ADAMTSL1: variants seen among roughly 807,000 people sequenced by gnomAD.
ADAMTSL1 encodes ADAMTS like 1.
Under a neutral mutation model 201.8 loss-of-function variants are expected in ADAMTSL1, and 126 were observed. The ratio of observed to expected loss-of-function variants is 0.62; its 90% confidence interval spans 0.54 to 0.72. The LOEUF (loss-of-function observed/expected upper bound fraction) is 0.72, where lower values mean the gene tolerates loss of function less well. Among genes scored for constraint, ADAMTSL1 ranks in the 30% least tolerant of loss-of-function variants. The pLI is 0.00. For synonymous variants in ADAMTSL1, 1,121 were observed against 903.4 expected (o/e 1.24, Z -4.32); for missense variants, 2,679 against 2,277.8 (o/e 1.18, Z -3.59).
chr9:18,264,214 T>C (rs1832034713), intron 2 of ADAMTSL1, among the ~76,000 whole-genome samples: 1 of 152,160 alleles, frequency 6.6e-6, no homozygotes, highest in South Asian at 2.1e-4. Flanking sequence ...CCTAATAATT[T>C]TGTCCCTCAA....
intron 1 of ADAMTSL1, among the ~76,000 whole-genome samples, chr9:18,032,909 T>G (rs1821033774): frequency 6.6e-6 from 1 of 152,130 alleles, no homozygotes. Flanking sequence ...TCCCACTTCC[T>G]CCTTCTTCAG....
intron 26 of ADAMTSL1, among the ~76,000 whole-genome samples, chr9:18,899,322 T>C (rs1481721782): frequency 6.6e-6 from 1 of 152,172 alleles, no homozygotes; most frequent in African/African-American, 2.4e-5. Context: ...GGAGAAACAT[T>C]TCATGCTCAT....
intron 17 of ADAMTSL1, among the ~76,000 whole-genome samples, chr9:18,775,055 T>C (rs1169860086): frequency 6.6e-6 from 1 of 150,464 alleles, no homozygotes; most frequent in Non-Finnish European, 1.5e-5. Flanking sequence ...GTTGTCTTTT[T>C]TTTTTATTAT....
At chr9:18,020,964 G>C (rs1820457045) in intron 1 of ADAMTSL1, among the ~76,000 whole-genome samples, 1 of 152,076 alleles carries the variant, frequency 6.6e-6, no homozygotes, top group African/African-American at 2.4e-5. Context: ...TAAATCCCTA[G>C]TCATCTGGGC....
intron 1 of ADAMTSL1, among the ~76,000 whole-genome samples, chr9:18,147,472 A>G (rs1353749346): frequency 2.0e-5 from 3 of 152,076 alleles, no homozygotes; most frequent in African/African-American, 7.2e-5. Flanking sequence ...CACTGCTTGG[A>G]ACCAACTTGC....
At chr9:18,290,456 C>T (rs2132675699) in intron 2 of ADAMTSL1, among the ~76,000 whole-genome samples, 1 of 152,188 alleles carries the variant, frequency 6.6e-6, no homozygotes, top group East Asian at 1.9e-4. Flanking sequence ...GTTGAACCAT[C>T]TTGCAAAAAT....
At chr9:18,240,681 A>G (rs924656437) in intron 2 of ADAMTSL1, among the ~76,000 whole-genome samples, 2 of 152,182 alleles carry the variant, frequency 1.3e-5, no homozygotes, top group Non-Finnish European at 2.9e-5. Flanking sequence ...AATATAAGAT[A>G]TCAAAGTACT....
intron 4 of ADAMTSL1, among the ~76,000 whole-genome samples, chr9:18,609,005 G>A (rs1459038902): frequency 6.6e-6 from 1 of 152,002 alleles, no homozygotes; most frequent in Admixed American, 6.6e-5. Flanking sequence ...ACATTCAACT[G>A]GCATATTGAT....
intron 1 of ADAMTSL1, among the ~76,000 whole-genome samples, chr9:18,503,755 T>C (rs561061832): frequency 3.9e-5 from 6 of 152,254 alleles, no homozygotes; most frequent in South Asian, 2.1e-4. Context: ...GTATAGCATG[T>C]ACCAGTTGGA....
At chr9:18,887,136 A>G (rs989041208) in intron 23 of ADAMTSL1, among the ~76,000 whole-genome samples, 4 of 152,246 alleles carry the variant, frequency 2.6e-5, no homozygotes, top group Admixed American at 2.6e-4. Flanking sequence ...CCTGACCTTC[A>G]AGGAATTTCT....
chr9:18,287,408 T>C (rs1833034958), intron 2 of ADAMTSL1, among the ~76,000 whole-genome samples: 1 of 151,816 alleles, frequency 6.6e-6, no homozygotes, highest in Non-Finnish European at 1.5e-5. Context: ...CACATACACA[T>C]ATATTTATAT....
chr9:18,185,754 A>G (rs1254979918), intron 2 of ADAMTSL1, among the ~76,000 whole-genome samples: 1 of 152,184 alleles, frequency 6.6e-6, no homozygotes, highest in Non-Finnish European at 1.5e-5. Flanking sequence ...AGCATAATTG[A>G]GTAACAAATG....
chr9:18,531,542 T>G (rs1819445766), intron 2 of ADAMTSL1, among the ~76,000 whole-genome samples: 1 of 152,204 alleles, frequency 6.6e-6, no homozygotes, highest in Non-Finnish European at 1.5e-5. Flanking sequence ...TAATAGTCAG[T>G]CTGATTACAG....
chr9:18,121,653 T>C (rs954648062), intron 1 of ADAMTSL1, among the ~76,000 whole-genome samples: 8 of 152,180 alleles, frequency 5.3e-5, no homozygotes, highest in African/African-American at 1.9e-4. Flanking sequence ...CTTACTAGTC[T>C]TTTTCTATCA....
intron 1 of ADAMTSL1, among the ~76,000 whole-genome samples, chr9:18,016,843 A>G (rs892113794): frequency 6.6e-6 from 1 of 152,076 alleles, no homozygotes; most frequent in African/African-American, 2.4e-5. Flanking sequence ...GGTCAGTATA[A>G]TCAAACTTTG....
intron 2 of ADAMTSL1, among the ~76,000 whole-genome samples, chr9:18,437,986 G>C (rs929061839): frequency 1.3e-5 from 2 of 152,142 alleles, no homozygotes; most frequent in African/African-American, 4.8e-5. Context: ...GCCCGCTGCT[G>C]TTGCTGCCTG....
chr9:18,688,126 A>G (rs1372378526), intron 13 of ADAMTSL1, among the ~76,000 whole-genome samples: 1 of 149,966 alleles, frequency 6.7e-6, no homozygotes, highest in East Asian at 1.9e-4. Flanking sequence ...ATGTATATAT[A>G]TATATATATA....
At chr9:18,132,192 G>C (rs1245238549) in intron 1 of ADAMTSL1, among the ~76,000 whole-genome samples, 3 of 151,942 alleles carry the variant, frequency 2.0e-5, no homozygotes, top group Admixed American at 1.3e-4. Flanking sequence ...CTGTCCCCGG[G>C]GAAAAAAGGC....
At chr9:18,325,987 C>T (rs1451883995) in intron 2 of ADAMTSL1, among the ~76,000 whole-genome samples, 1 of 152,186 alleles carries the variant, frequency 6.6e-6, no homozygotes, top group African/African-American at 2.4e-5. Flanking sequence ...GTGATCCACC[C>T]ACCTTGGGCC....
Sources: allele counts gnomAD v4.1 joint callset (sites outside exome capture counted in the v4.1 genomes callset), GRCh38; gene constraint gnomAD v4.1.1; transcripts MANE v1.5; gene names NCBI Gene and HGNC (gene_info 2026-07-23, HGNC 2026-07-21).